GRM5: variants seen among roughly 807,000 people sequenced by gnomAD.
GRM5 encodes the protein metabotropic glutamate receptor 5.
GRM5 carries 19 observed loss-of-function variants against 83.1 expected under a neutral mutation model. The observed-to-expected ratio is 0.23, with a 90% CI of 0.16 to 0.34. The LOEUF is 0.34. Among genes scored for constraint, GRM5 ranks in the 10% least tolerant of loss-of-function variants. GRM5 has a pLI of 1.00. For missense variants in GRM5, 1,160 were observed against 1,588.3 expected (o/e 0.73, Z 4.58); for synonymous variants, 675 against 633.6 (o/e 1.07, Z -0.98).
intron 3 of GRM5, among the ~76,000 whole-genome samples, chr11:88,660,499 C>T (rs1446105449): frequency 6.6e-6 from 1 of 152,098 alleles, no homozygotes; most frequent in Non-Finnish European, 1.5e-5. Flanking sequence ...GTGCTACCTG[C>T]CATAGGCAAA....
intron 3 of GRM5, among the ~76,000 whole-genome samples, chr11:88,783,922 A>G (rs1943020222): frequency 6.6e-6 from 1 of 152,066 alleles, no homozygotes; most frequent in South Asian, 2.1e-4. Flanking sequence ...TAAATCTGCT[A>G]GCAGTGAGTC....
intron 4 of GRM5, among the ~76,000 whole-genome samples, chr11:88,609,441 A>G (rs867900094): frequency 3.3e-5 from 5 of 152,078 alleles, no homozygotes; most frequent in African/African-American, 1.2e-4. Flanking sequence ...GGTTGATTAC[A>G]TGTATTTGCT....
At chr11:89,034,472 ATTCT>A (rs1941336545) in intron 2 of GRM5, among the ~76,000 whole-genome samples, 1 of 151,836 alleles carries the variant, frequency 6.6e-6, no homozygotes, top group Non-Finnish European at 1.5e-5. Context: ...ATATGAACAT[ATTCT>A]TTCTATGAGG....
chr11:88,952,564 AG>A (rs1285226864), intron 2 of GRM5, among the ~76,000 whole-genome samples: 2 of 152,190 alleles, frequency 1.3e-5, no homozygotes, highest in Non-Finnish European at 2.9e-5. Context: ...TTAACTTCTC[AG>A]TACCGCCTAC....
intron 4 of GRM5, among the ~76,000 whole-genome samples, chr11:88,641,778 C>T (rs1427409995): frequency 6.6e-6 from 1 of 152,206 alleles, no homozygotes; most frequent in Non-Finnish European, 1.5e-5. Flanking sequence ...GGTGGGCTCC[C>T]ACGGCCTTGG....
rs542662110 is a variant in GRM5 at position 88,596,691 on chromosome 11, C to T, written c.1563+493G>A. Among the ~76,000 whole-genome samples, 36 of 152,140 alleles carry T rather than the reference C, an allele frequency of 2.4e-4. No homozygotes were observed. The South Asian group carries it at 7.5e-3, about 32-fold the overall frequency. ...TAGAAATATCTCTATCCCTTTTGTA[C>T]AAACTTATATAGTCCTCTTCTTTTC... On this transcript the variant is annotated intron_variant, in intron 6 of 9. Transcript: ENST00000305447.
At chr11:88,571,846 G>A (rs1401263962) in intron 7 of GRM5, among the ~76,000 whole-genome samples, 1 of 152,150 alleles carries the variant, frequency 6.6e-6, no homozygotes, top group Non-Finnish European at 1.5e-5. Flanking sequence ...AGGAGGCTGT[G>A]ATGGCAAGTG....
chr11:88,736,450 G>T (rs2135411834), intron 3 of GRM5, among the ~76,000 whole-genome samples: 1 of 152,112 alleles, frequency 6.6e-6, no homozygotes, highest in Middle Eastern at 3.4e-3. Flanking sequence ...GTATATCTTA[G>T]TCAACTCAAA....
At chr11:88,715,228 T>A (rs1483845193) in intron 3 of GRM5, among the ~76,000 whole-genome samples, 3 of 151,948 alleles carry the variant, frequency 2.0e-5, no homozygotes, top group Non-Finnish European at 4.4e-5. Flanking sequence ...AAAAGAGTAA[T>A]TGAATTGAAT....
At chr11:88,932,141 T>A (rs1231674186) in intron 2 of GRM5, among the ~76,000 whole-genome samples, 1 of 152,074 alleles carries the variant, frequency 6.6e-6, no homozygotes, top group Non-Finnish European at 1.5e-5. Context: ...AGTTCAACAA[T>A]CCATTTCAAA....
At chr11:88,670,105 A>C (rs78455258) in intron 3 of GRM5, among the ~76,000 whole-genome samples, 2,717 of 152,130 alleles carry the variant, frequency 0.018, 63 homozygotes, top group East Asian at 0.096. Flanking sequence ...ACATGCATAC[A>C]GAGACTTAAT....
intron 3 of GRM5, among the ~76,000 whole-genome samples, chr11:88,801,563 G>A (rs1047295178): frequency 1.3e-5 from 2 of 152,010 alleles, no homozygotes; most frequent in African/African-American, 2.4e-5. Context: ...TCCATGCAAG[G>A]GTTATTAGCA....
At chr11:88,674,347 GTA>G (rs1940269338) in intron 3 of GRM5, among the ~76,000 whole-genome samples, 2 of 151,832 alleles carry the variant, frequency 1.3e-5, no homozygotes, top group South Asian at 4.2e-4. Context: ...TTGCACTTTT[GTA>G]TAGTTTCCCT....
chr11:88,955,689 G>A (rs764765667), intron 2 of GRM5, among the ~76,000 whole-genome samples: 3 of 152,012 alleles, frequency 2.0e-5, no homozygotes, highest in Non-Finnish European at 4.4e-5. Context: ...TGTGTGTGGA[G>A]TTCTGTTCAT....
intron 2 of GRM5, among the ~76,000 whole-genome samples, chr11:88,868,108 G>A (rs1218267850): frequency 6.6e-6 from 1 of 151,842 alleles, no homozygotes; most frequent in African/African-American, 2.4e-5. Flanking sequence ...CTGAGCTTCA[G>A]TTTCTTTAAT....
At chr11:88,763,775 T>A (rs1404943543) in intron 3 of GRM5, among the ~76,000 whole-genome samples, 1 of 151,658 alleles carries the variant, frequency 6.6e-6, no homozygotes, top group East Asian at 1.9e-4. Context: ...AAATAAAATT[T>A]GTCACGATAA....
chr11:89,058,397 A>G (rs766353767), intron 1 of GRM5, among the ~76,000 whole-genome samples: 3 of 152,170 alleles, frequency 2.0e-5, no homozygotes, highest in Non-Finnish European at 2.9e-5. Flanking sequence ...CAGCTCTGAT[A>G]AACAAATACG....
At chr11:89,061,986 G>A (rs1365352875) in intron 1 of GRM5, among the ~76,000 whole-genome samples, 1 of 152,196 alleles carries the variant, frequency 6.6e-6, no homozygotes, top group Non-Finnish European at 1.5e-5. Flanking sequence ...GAAGTGCTAT[G>A]TACATTTTTC....
intron 2 of GRM5, among the ~76,000 whole-genome samples, chr11:88,979,578 T>C (rs1173385698): frequency 6.6e-6 from 1 of 152,182 alleles, no homozygotes; most frequent in Non-Finnish European, 1.5e-5. Flanking sequence ...GAGTATACCA[T>C]GCCATTTGCT....
Sources: gnomAD v4.1 joint callset for allele counts (sites outside exome capture counted in the v4.1 genomes callset) on GRCh38, gnomAD v4.1.1 for gene constraint, MANE v1.5 for transcripts, NCBI Gene and HGNC (gene_info 2026-07-23, HGNC 2026-07-21) for gene names.